FREM1: variants seen among roughly 807,000 people sequenced by gnomAD.
FREM1 encodes FRAS1 related extracellular matrix 1, also known as FRAS1-related extracellular matrix protein 1.
Under a neutral mutation model 210.1 loss-of-function variants are expected in FREM1, and 220 were observed. The ratio of observed to expected loss-of-function variants is 1.05; its 90% CI spans 0.94 to 1.17. FREM1 has a LOEUF of 1.17. Among genes scored for constraint, FREM1 ranks in the 50% most tolerant of loss-of-function variants. FREM1 has a pLI of 0.00. For synonymous variants in FREM1, 1,189 were observed against 980.2 expected, an observed-to-expected ratio of 1.21 and a Z score of -3.98; for missense variants, 3,454 against 2,675.5, an observed-to-expected ratio of 1.29 and a Z score of -6.42.
intron 25 of FREM1, chr9:14,774,064 C>T (rs542501920): frequency 5.8e-6 from 3 of 517,168 alleles, no homozygotes; most frequent in East Asian, 5.4e-5. Flanking sequence ...GTGCTTCTTA[C>T]TGTGTTCACG....
chr9:14,883,099 C>T (rs929682979), intron 1 of FREM1, among the ~76,000 whole-genome samples: 2 of 151,766 alleles, frequency 1.3e-5, no homozygotes, highest in Admixed American at 1.3e-4. Context: ...GGAATTGGGC[C>T]TGGATGAAGG....
chr9:14,908,860 G>C (rs2132787813), intron 1 of FREM1, among the ~76,000 whole-genome samples: 1 of 152,226 alleles, frequency 6.6e-6, no homozygotes, highest in Non-Finnish European at 1.5e-5. Flanking sequence ...CAAGCAAATG[G>C]GGGTTCTTAC....
At chr9:14,824,531 C>G (rs1370053493) in intron 11 of FREM1, among the ~76,000 whole-genome samples, 1 of 152,164 alleles carries the variant, frequency 6.6e-6, no homozygotes, top group East Asian at 1.9e-4. Context: ...TAAGCATTGT[C>G]TTTCAAAAAG....
At chr9:14,868,710 C>A in intron 2 of FREM1, 34 bp downstream of exon 2, 1 of 1,353,428 alleles carries the variant, frequency 7.4e-7, no homozygotes, top group Non-Finnish European at 1.0e-6. Context: ...CATTCATACA[C>A]ACGACTGAAC....
intron 1 of FREM1, among the ~76,000 whole-genome samples, chr9:14,871,666 C>A (rs1280221645): frequency 2.0e-5 from 3 of 152,062 alleles, no homozygotes; most frequent in African/African-American, 2.4e-5. Context: ...TAATTAGATC[C>A]CATTTGTCAA....
chr9:14,737,663 G>A lies in FREM1; in HGVS notation c.6341-68C>T, dbSNP rs924111833. The A allele has an allele frequency of 5.5e-6, 7 of 1,276,464 alleles. No individual in the cohort carries two copies. In the Admixed American group the frequency reaches 9.3e-5, roughly 17 times the overall value. The allele number at this position is 1,276,464 out of a possible 1,614,324, so 79.1% of individuals were successfully genotyped here. Reference sequence around the variant, plus strand: ...TTATACTTAGATATCATATCCAGCTGTTGCTCTAAGCTCAGTTATCACATG... The same window carrying A: ...TTATACTTAGATATCATATCCAGCTATTGCTCTAAGCTCAGTTATCACATG... On this transcript the variant is annotated intron_variant, in intron 36 of 36. Coordinates refer to ENST00000380880, the MANE Select transcript of FREM1 (RefSeq NM_001379081.2).
At chr9:14,841,664 T>C (rs1588299654) in intron 9 of FREM1, 75 bp from the exon 10 acceptor site, 1 of 1,158,558 alleles carries the variant, frequency 8.6e-7, no homozygotes, top group South Asian at 2.2e-5. Context: ...ATTGGACTTA[T>C]CTTCAAAAGT....
rs186680813 is a variant in FREM1, at chr9:14,767,355, C to T, written c.5204+2369G>A. Among the ~76,000 whole-genome samples, 759 of 152,272 alleles carry T rather than the reference C, an allele frequency of 5.0e-3. 7 individuals are homozygous for T. The highest frequency in any genetic ancestry group is 5.2e-3 in the Non-Finnish European group (352 of 68,018). On this transcript the variant is annotated intron_variant, in intron 27 of 36. Transcript: ENST00000380880. ...GAAAGAAGAAGACAAGTCTGGTGTT[C>T]CATTCCCTTCAGGCCAGATTAGCAC...
At chr9:14,874,569 A>G (rs7032077) in intron 1 of FREM1, among the ~76,000 whole-genome samples, 27,341 of 148,440 alleles carry the variant, frequency 0.18, 2,531 homozygotes, top group Middle Eastern at 0.26. Context: ...GTCTCTGCAC[A>G]TGAGATGGGT....
chr9:14,784,247 G>A, intron 24 of FREM1, 123 bp downstream of exon 24: 1 of 845,558 alleles, frequency 1.2e-6, no homozygotes, highest in Admixed American at 2.7e-5. Context: ...AAGGTATACA[G>A]CGTGATGTTA....
intron 2 of FREM1, among the ~76,000 whole-genome samples, chr9:14,864,661 C>G (rs767533389): frequency 3.3e-5 from 5 of 152,302 alleles, no homozygotes; most frequent in Middle Eastern, 3.4e-3. Context: ...AATCATCTCT[C>G]CCACCCATAT....
chr9:14,848,724 G>T lies in FREM1; in HGVS notation c.1202C>A (p.Thr401Lys). The T allele has an allele frequency of 2.5e-6, 4 of 1,613,176 alleles. No homozygotes were observed. The South Asian group carries it at 4.4e-5, about 18-fold the overall frequency. The change falls in exon 7 of 37, where the codon ACA (threonine) becomes AAA (lysine). Residue 401 changes from threonine to lysine, a missense_variant. Thr to Lys is a moderately conservative substitution (Grantham distance 78). Transcript: ENST00000380880. Reference sequence around the variant, plus strand: ...TGCTGTTCTGATGGAGATGTGGACTGTCATAGGTGCACTCCTTTCAAAGAA... The same window carrying T: ...TGCTGTTCTGATGGAGATGTGGACTTTCATAGGTGCACTCCTTTCAAAGAA... ...DFFFERSAPM[T>K]VHISIRTADT...
Position 14,868,808 on chromosome 9 carries a change from G to T in FREM1, c.170C>A (p.Ala57Asp), listed in dbSNP as rs1322048608. Residue 57 changes from alanine to aspartate, a missense_variant, in exon 2 of 37, where the codon GCC becomes GAC. Transcript: ENST00000380880. ...ATTCATCACAACTTCCACTTTGCAG[G>T]CATCTTTCTCTTTAGGGATGGCAAA... The part of the protein sequence containing the change: ...LKFAIPKEKD[A>D]CKVEVVMNEP... 4 of 1,613,040 alleles carry T rather than the reference G, an allele frequency of 2.5e-6. No individual in the cohort carries two copies. In the South Asian group the frequency reaches 3.3e-5, roughly 13 times the overall value.
chr9:14,865,915 C>T (rs924754354), intron 2 of FREM1, among the ~76,000 whole-genome samples: 1 of 147,830 alleles, frequency 6.8e-6, no homozygotes, highest in African/African-American at 2.5e-5. Flanking sequence ...ATTTCTCTCA[C>T]ACACAGTTTT....
chr9:14,770,523 G>T, intron 26 of FREM1, 82 bp downstream of exon 26: 1 of 1,012,826 alleles, frequency 9.9e-7, no homozygotes, highest in Non-Finnish European at 1.5e-6. Context: ...AAATGGGCCT[G>T]CACTTAATTA....
chr9:14,845,513 C>G (rs1321149659), intron 8 of FREM1, among the ~76,000 whole-genome samples: 2 of 152,170 alleles, frequency 1.3e-5, no homozygotes, highest in African/African-American at 4.8e-5. Context: ...CCATATTGGT[C>G]AGGCTGGTCT....
intron 3 of FREM1, among the ~76,000 whole-genome samples, chr9:14,860,594 C>CACATAT (rs1480365766): frequency 3.8e-4 from 32 of 84,068 alleles, no homozygotes; most frequent in African/African-American, 9.7e-4. Flanking sequence ...CATATATATA[C>CACATAT]ATATATACAC....
intron 5 of FREM1, among the ~76,000 whole-genome samples, chr9:14,855,651 GT>G (rs984497197): frequency 8.6e-5 from 13 of 151,622 alleles, no homozygotes; most frequent in African/African-American, 1.7e-4. Flanking sequence ...TGCTTTCTGT[GT>G]TTTTTTTAAT....
At chr9:14,768,349 G>T (rs1846846173) in intron 27 of FREM1, among the ~76,000 whole-genome samples, 2 of 142,108 alleles carry the variant, frequency 1.4e-5, no homozygotes, top group South Asian at 2.2e-4. Context: ...ATTTTCTTGA[G>T]AATTGGAAGA....
Sources: allele counts gnomAD v4.1 joint callset (sites outside exome capture counted in the v4.1 genomes callset), GRCh38; gene constraint gnomAD v4.1.1; transcripts MANE v1.5; gene names NCBI Gene and HGNC (gene_info 2026-07-23, HGNC 2026-07-21).